RAB38: variants seen among roughly 807,000 people sequenced by gnomAD.
RAB38 encodes ras-related protein Rab-38.
Under a neutral mutation model 18.4 loss-of-function variants are expected in RAB38, and 15 were observed. The ratio of observed to expected loss-of-function variants is 0.82; its 90% CI spans 0.55 to 1.26. The LOEUF (loss-of-function observed/expected upper bound fraction) is 1.26, where lower values mean the gene tolerates loss of function less well. Among genes scored for constraint, RAB38 ranks in the 50% most tolerant of loss-of-function variants. RAB38 has a pLI of 0.00. For synonymous variants in RAB38, 101 were observed against 104.4 expected, an observed-to-expected ratio of 0.97 and a Z score of 0.20; for missense variants, 294 against 267.4, an observed-to-expected ratio of 1.10 and a Z score of -0.69.
At chr11:87,967,252 T>C in the RAB38 span, among the ~76,000 whole-genome samples, 11 of 152,288 alleles carry the variant, frequency 7.2e-5, no homozygotes, top group East Asian at 2.1e-3. Flanking sequence ...TATTGTAATA[T>C]TGTTACTTTA....
chr11:87,884,161 C>T, the RAB38 span, among the ~76,000 whole-genome samples: 1 of 151,860 alleles, frequency 6.6e-6, no homozygotes, highest in Non-Finnish European at 1.5e-5. Context: ...GATTAGATAC[C>T]TGTAGGTCAC....
the RAB38 span, among the ~76,000 whole-genome samples, chr11:88,046,255 A>G: frequency 6.6e-6 from 1 of 151,946 alleles, no homozygotes; most frequent in Non-Finnish European, 1.5e-5. Flanking sequence ...ACAGCCTAAA[A>G]CTCTCCTTAC....
chr11:88,029,891 T>C, the RAB38 span, among the ~76,000 whole-genome samples: 1 of 152,164 alleles, frequency 6.6e-6, no homozygotes, highest in Non-Finnish European at 1.5e-5. Flanking sequence ...AATAGACATC[T>C]ACAGAACTCT....
the RAB38 span, among the ~76,000 whole-genome samples, chr11:88,012,681 C>A: frequency 6.6e-6 from 1 of 151,972 alleles, no homozygotes. Flanking sequence ...GGTAGGACAG[C>A]AATAAGCCTC....
chr11:87,917,377 A>G, the RAB38 span, among the ~76,000 whole-genome samples: 4 of 152,204 alleles, frequency 2.6e-5, no homozygotes, highest in South Asian at 8.3e-4. Flanking sequence ...AAATGTGTCA[A>G]GAATGACTAA....
At chr11:87,806,132 TAG>T in the RAB38 span, among the ~76,000 whole-genome samples, 2 of 152,202 alleles carry the variant, frequency 1.3e-5, no homozygotes, top group African/African-American at 2.4e-5. Flanking sequence ...GATAAATTTG[TAG>T]AGAGTTATGA....
At chr11:87,861,620 TAA>T in the RAB38 span, among the ~76,000 whole-genome samples, 1 of 151,936 alleles carries the variant, frequency 6.6e-6, no homozygotes, top group East Asian at 1.9e-4. Flanking sequence ...CTGATTATTA[TAA>T]GAGTGTTTTG....
At chr11:87,868,604 A>AGAGAGAGAGAGAGAGAAG in the RAB38 span, among the ~76,000 whole-genome samples, 4 of 76,076 alleles carry the variant, frequency 5.3e-5, no homozygotes, top group Non-Finnish European at 1.2e-4. Context: ...AGAGAGAGAG[A>AGAGAGAGAGAGAGAGAAG]GAGAGAGAGA....
the RAB38 span, among the ~76,000 whole-genome samples, chr11:87,813,897 T>A: frequency 2.6e-5 from 4 of 152,194 alleles, no homozygotes; most frequent in Non-Finnish European, 5.9e-5. Context: ...CTGTTTCCCG[T>A]GGGGGTGTGG....
the RAB38 span, among the ~76,000 whole-genome samples, chr11:87,918,206 C>A: frequency 6.6e-6 from 1 of 152,094 alleles, no homozygotes; most frequent in Non-Finnish European, 1.5e-5. Context: ...CATGTTGTCA[C>A]AATGACAGAA....
the RAB38 span, among the ~76,000 whole-genome samples, chr11:87,847,770 G>T: frequency 6.6e-6 from 1 of 152,018 alleles, no homozygotes; most frequent in Non-Finnish European, 1.5e-5. Flanking sequence ...CAAATCAAGC[G>T]GGAGAAAGGA....
At chr11:88,019,792 C>T in the RAB38 span, among the ~76,000 whole-genome samples, 1 of 152,124 alleles carries the variant, frequency 6.6e-6, no homozygotes, top group Non-Finnish European at 1.5e-5. Context: ...AGTCTCTGCC[C>T]AAATATAACC....
the RAB38 span, among the ~76,000 whole-genome samples, chr11:88,021,411 C>G: frequency 3.9e-5 from 6 of 151,990 alleles, no homozygotes; most frequent in Admixed American, 2.6e-4. Context: ...CCAAACAGAC[C>G]AATAATAAGT....
intron 2 of RAB38, among the ~76,000 whole-genome samples, chr11:88,122,264 C>CA (rs1942639911): frequency 6.6e-6 from 1 of 152,130 alleles, no homozygotes. Flanking sequence ...CCAGAATATT[C>CA]ATAGATATTG....
the RAB38 span, among the ~76,000 whole-genome samples, chr11:88,039,926 C>G: frequency 1.3e-5 from 2 of 152,192 alleles, no homozygotes; most frequent in South Asian, 4.1e-4. Flanking sequence ...TAGTGCAGCA[C>G]TAGTCCTCAA....
chr11:87,827,608 A>T, the RAB38 span, among the ~76,000 whole-genome samples: 1 of 152,182 alleles, frequency 6.6e-6, no homozygotes. Context: ...AGTGAGAGCC[A>T]TAGAAATAAA....
the RAB38 span, among the ~76,000 whole-genome samples, chr11:87,909,335 C>A: frequency 1.7e-4 from 3 of 17,172 alleles, no homozygotes; most frequent in African/African-American, 2.2e-4. Context: ...CAGCACCTTT[C>A]TTACTTCTCA....
At chr11:88,157,747 A>C (rs1034108855) in intron 1 of RAB38, among the ~76,000 whole-genome samples, 6 of 152,198 alleles carry the variant, frequency 3.9e-5, no homozygotes, top group African/African-American at 7.2e-5. Context: ...CTTTCGGATA[A>C]ACAATAAAAT....
At chr11:87,882,388 G>A in the RAB38 span, among the ~76,000 whole-genome samples, 13 of 151,898 alleles carry the variant, frequency 8.6e-5, 1 homozygote, top group South Asian at 6.2e-4. Flanking sequence ...AAATATCTGC[G>A]CCCCATCAGT....
Sources: gnomAD v4.1 joint callset for allele counts (sites outside exome capture counted in the v4.1 genomes callset) on GRCh38, gnomAD v4.1.1 for gene constraint, MANE v1.5 for transcripts, NCBI Gene and HGNC (gene_info 2026-07-23, HGNC 2026-07-21) for gene names.